TRPM7: variants seen among roughly 807,000 people sequenced by gnomAD.
TRPM7 encodes LTRPC ion channel family member 7.
A neutral mutation model predicts 229.7 loss-of-function variants in TRPM7; 134 were observed. That is an observed-to-expected ratio of 0.58 (90% CI 0.51 to 0.67). TRPM7 has a LOEUF of 0.67. TRPM7 is among the 30% of genes least tolerant of loss of function. The pLI, the probability that TRPM7 is intolerant of heterozygous loss-of-function variation, is 0.00. For missense variants in TRPM7, 1,901 were observed against 2,210.0 expected (o/e 0.86, Z 2.80); for synonymous variants, 699 against 715.2 (o/e 0.98, Z 0.36).
In TRPM7 at chr15:50,609,465, T is replaced by G. The variant is rs2060005836; in HGVS notation, c.2580+116A>C. The G allele has an allele frequency of 5.0e-6, 5 of 1,004,382 alleles. No homozygotes were observed. The Admixed American group carries it at 1.7e-4, about 34-fold the overall frequency. The allele number at this position is 1,004,382 out of a possible 1,614,324, so 62.2% of individuals were successfully genotyped here. ...AAGGCAAATGTATCACTCTTTTAAATGTGAAATGCCTTTTCAGTGATCTAA... is the reference window on the plus strand; with the variant it reads ...AAGGCAAATGTATCACTCTTTTAAAGGTGAAATGCCTTTTCAGTGATCTAA... On this transcript the variant is annotated intron_variant, in intron 19 of 38. Coordinates refer to ENST00000646667, the MANE Select transcript of TRPM7 (RefSeq NM_017672.6).
rs480280 is a variant in TRPM7 at position 50,594,002 on chromosome 15, G to C, written c.3476-253C>G. Among the ~76,000 whole-genome samples the C allele has an allele frequency of 0.53, 79,834 of 151,832 alleles. 21,306 individuals are homozygous for C. Among genetic ancestry groups the C allele is most frequent in the Admixed American group, 0.61 (9,354 of 15,268 alleles). ...TCCTTTTCCTATACAACATCCCTCC[G>C]CTATCTCTCTCATACCTCTCCCTCA... is the stretch of plus-strand genomic sequence containing the variant. On this transcript the variant is annotated intron_variant, in intron 24 of 38. Coordinates refer to ENST00000646667, the MANE Select transcript of TRPM7 (RefSeq NM_017672.6).
intron 1 of TRPM7, among the ~76,000 whole-genome samples, chr15:50,686,234 C>G (rs955619622): frequency 2.6e-5 from 4 of 152,246 alleles, no homozygotes; most frequent in African/African-American, 9.6e-5. Flanking sequence ...CTGAGCCCAG[C>G]CAGGTAGTCC....
chr15:50,577,818 C>T (rs1341202782), intron 31 of TRPM7, among the ~76,000 whole-genome samples: 1 of 152,018 alleles, frequency 6.6e-6, no homozygotes, highest in African/African-American at 2.4e-5. Context: ...GAAATGACCA[C>T]CAAATAGCAG....
chr15:50,659,174 C>A (rs1365892725), intron 2 of TRPM7, among the ~76,000 whole-genome samples: 1 of 145,272 alleles, frequency 6.9e-6, no homozygotes, highest in Non-Finnish European at 1.5e-5. Flanking sequence ...GCCTGGATGA[C>A]AGAGCGAGAC....
intron 38 of TRPM7, among the ~76,000 whole-genome samples, chr15:50,564,881 GGAGA>G (rs1287064521): frequency 6.6e-6 from 1 of 152,038 alleles, no homozygotes; most frequent in African/African-American, 2.4e-5. Flanking sequence ...AAAGAACAGT[GGAGA>G]GAAACACAAT....
In TRPM7 at chr15:50,610,971, C is replaced by T. The variant is rs967350405; in HGVS notation, c.2280+122G>A. ...GATGAAATGCCAATCATCCATCTTG[C>T]TCCCTCTTTACCCCCCACCATTACA... On this transcript the variant is annotated intron_variant, in intron 17 of 38. Transcript: ENST00000646667. The T allele has an allele frequency of 4.1e-6, 3 of 728,986 alleles. No homozygotes were observed. In the African/African-American group the frequency reaches 5.4e-5, roughly 13 times the overall value. The allele number at this position is 728,986 out of a possible 1,614,324, so 45.2% of individuals were successfully genotyped here. A position where few individuals can be genotyped will look rare whatever the true frequency, so the allele number is the denominator to read the frequency against.
At chr15:50,672,219 A>G (rs1039078083) in intron 1 of TRPM7, among the ~76,000 whole-genome samples, 6 of 151,964 alleles carry the variant, frequency 3.9e-5, no homozygotes, top group Non-Finnish European at 7.4e-5. Flanking sequence ...ACACCCAGCT[A>G]ATTTTTTGTA....
intron 7 of TRPM7, among the ~76,000 whole-genome samples, chr15:50,636,911 T>C (rs1307199829): frequency 6.6e-6 from 1 of 152,080 alleles, no homozygotes; most frequent in Non-Finnish European, 1.5e-5. Context: ...GGGCAGATCA[T>C]GAAGTCAGGA....
At chr15:50,621,625 T>C (rs182683220) in intron 12 of TRPM7, among the ~76,000 whole-genome samples, 99 of 152,308 alleles carry the variant, frequency 6.5e-4, no homozygotes, top group Middle Eastern at 3.4e-3. Context: ...TATTGTGAGA[T>C]TGAATTCAGA....
rs572401109 is a variant in TRPM7 at position 50,560,531 on chromosome 15, A to G, written c.*1147T>C. The G allele has an allele frequency of 7.9e-5, 12 of 152,606 alleles. No homozygotes were observed. The highest frequency in any genetic ancestry group is 2.2e-4 in the African/African-American group (9 of 41,504). The allele number at this position is 152,606 out of a possible 1,614,324, so 9.5% of individuals were successfully genotyped here. A position where few individuals can be genotyped will look rare whatever the true frequency, so the allele number is the denominator to read the frequency against. ...TTAAAATTAGTACCAAGGAAACAAA[A>G]GAAAAAGAAAAAAAAAGAAAAAAAA... On this transcript the variant is annotated 3_prime_UTR_variant, in exon 39 of 39. Coordinates refer to ENST00000646667, the MANE Select transcript of TRPM7 (RefSeq NM_017672.6).
intron 31 of TRPM7, among the ~76,000 whole-genome samples, chr15:50,577,103 T>G (rs1364186016): frequency 6.7e-6 from 1 of 148,766 alleles, no homozygotes; most frequent in African/African-American, 2.5e-5. Context: ...AGAGAGATCC[T>G]GTCTTTGGCA....
chr15:50,595,034 T>C (rs1035698034), intron 23 of TRPM7, among the ~76,000 whole-genome samples: 1 of 151,858 alleles, frequency 6.6e-6, no homozygotes, highest in African/African-American at 2.4e-5. Flanking sequence ...TGAGACCCTG[T>C]CTATTTAAAA....
chr15:50,681,659 T>C (rs2062241890), intron 1 of TRPM7, among the ~76,000 whole-genome samples: 1 of 152,210 alleles, frequency 6.6e-6, no homozygotes, highest in South Asian at 2.1e-4. Context: ...ATATTATTGA[T>C]GACTTAGCTC....
chr15:50,637,260 T>C (rs1021113255), intron 7 of TRPM7, among the ~76,000 whole-genome samples, 162 bp downstream of exon 7: 3 of 151,848 alleles, frequency 2.0e-5, no homozygotes, highest in Non-Finnish European at 2.9e-5. Flanking sequence ...TTCTTTTCCT[T>C]GGTCTTATCA....
chr15:50,599,861 A>G (rs1047388498), intron 21 of TRPM7, among the ~76,000 whole-genome samples: 12 of 152,224 alleles, frequency 7.9e-5, no homozygotes, highest in Non-Finnish European at 1.8e-4. Flanking sequence ...TTGAAAAACT[A>G]AAAGACACCA....
intron 1 of TRPM7, among the ~76,000 whole-genome samples, chr15:50,676,534 C>T (rs531297045): frequency 7.2e-5 from 11 of 151,844 alleles, no homozygotes; most frequent in Non-Finnish European, 1.6e-4. Flanking sequence ...GCCTGGTCAA[C>T]ACAGCGAGAC....
Position 50,598,404 on chromosome 15 carries a change from C to A in TRPM7, c.3163+718G>T, listed in dbSNP as rs149426520. ...AGGGTTGAATCAGTGGGAGTTACGT[C>A]ATTGATTATCCAGAGAATGTACTCA... On this transcript the variant is annotated intron_variant, in intron 22 of 38. Transcript: ENST00000646667. 5.2e-4 allele frequency among the ~76,000 whole-genome samples: 79 copies of A among 152,292 alleles called. No homozygotes were observed. The East Asian group carries it at 0.015, about 28-fold the overall frequency.
intron 1 of TRPM7, 87 bp from the exon 2 acceptor site, chr15:50,663,133 C>CTTTT: frequency 2.5e-6 from 2 of 804,958 alleles, no homozygotes; most frequent in Non-Finnish European, 3.7e-6. Flanking sequence ...ATAAACAGTT[C>CTTTT]TTTTTTTTTT....
At position 50,644,664 on chromosome 15, in the gene TRPM7, G is replaced by A. The variant is rs936687594; in HGVS notation, c.322-1111C>T. On this transcript the variant is annotated intron_variant, in intron 4 of 38. Transcript: ENST00000646667. ...CTAAATACAAAAAAATTAGCTAGGC[G>A]TGAGTGCTTGTAATCCCAGCTACTT... Among the ~76,000 whole-genome samples the A allele has an allele frequency of 5.3e-5, 8 of 151,930 alleles. No individual in the cohort carries two copies. In the South Asian group the frequency reaches 8.3e-4, roughly 16 times the overall value.
Sources: gnomAD v4.1 joint callset for allele counts (sites outside exome capture counted in the v4.1 genomes callset) on GRCh38, gnomAD v4.1.1 for gene constraint, MANE v1.5 for transcripts, NCBI Gene and HGNC (gene_info 2026-07-23, HGNC 2026-07-21) for gene names.